The following DENND1A variants were observed in gnomAD, a reference collection of about 807,000 sequenced individuals.
DENND1A encodes the protein DENN domain containing 1A.
Under a neutral mutation model 113.7 loss-of-function variants are expected in DENND1A, and 51 were observed. The observed-to-expected ratio is 0.45, with a 90% CI of 0.36 to 0.57. The LOEUF (loss-of-function observed/expected upper bound fraction) is 0.57. Ranked by LOEUF, DENND1A falls within the 20% of genes least tolerant of loss-of-function variation. The pLI, the probability that DENND1A is intolerant of heterozygous loss-of-function variation, is 0.00. For synonymous variants in DENND1A, 565 were observed against 570.8 expected (o/e 0.99, Z 0.14); for missense variants, 1,258 against 1,395.9 (o/e 0.90, Z 1.57).
At chr9:123,554,508 A>C (rs1230924030) in intron 13 of DENND1A, among the ~76,000 whole-genome samples, 2 of 152,230 alleles carry the variant, frequency 1.3e-5, no homozygotes, top group Admixed American at 1.3e-4. Flanking sequence ...ATTTTAGAAG[A>C]GGGGAATTTG....
chr9:123,617,462 G>A (rs2060711157), intron 10 of DENND1A, among the ~76,000 whole-genome samples: 3 of 152,284 alleles, frequency 2.0e-5, no homozygotes, highest in Admixed American at 2.0e-4. Context: ...GTGTGGCTTT[G>A]TGGCTTCCTG....
intron 8 of DENND1A, among the ~76,000 whole-genome samples, chr9:123,664,974 A>G (rs1216070520): frequency 2.0e-5 from 3 of 152,166 alleles, no homozygotes; most frequent in African/African-American, 7.2e-5. Flanking sequence ...TCTATACTGA[A>G]TTGACTGCAA....
chr9:123,624,388 A>C (rs1425916233), intron 10 of DENND1A, among the ~76,000 whole-genome samples: 3 of 152,232 alleles, frequency 2.0e-5, no homozygotes, highest in Non-Finnish European at 4.4e-5. Context: ...TGACCAAAGC[A>C]GTGGTAGTGG....
chr9:123,752,815 T>C (rs951134871), intron 5 of DENND1A, among the ~76,000 whole-genome samples: 1 of 152,192 alleles, frequency 6.6e-6, no homozygotes, highest in African/African-American at 2.4e-5. Context: ...GATGGTACAA[T>C]ATGAAAATGC....
chr9:123,457,157 G>A (rs1007538473), intron 15 of DENND1A, among the ~76,000 whole-genome samples, 191 bp downstream of exon 15: 1 of 152,190 alleles, frequency 6.6e-6, no homozygotes, highest in Admixed American at 6.5e-5. Context: ...TAGGCTGGGC[G>A]ACTTCATATG....
chr9:123,657,123 T>A (rs2062991255), intron 8 of DENND1A, among the ~76,000 whole-genome samples: 1 of 152,200 alleles, frequency 6.6e-6, no homozygotes, highest in African/African-American at 2.4e-5. Flanking sequence ...AGAAGAAGCC[T>A]GCAACGCACA....
intron 5 of DENND1A, chr9:123,751,727 T>C (rs1646182597): frequency 6.6e-6 from 1 of 152,236 alleles, no homozygotes; most frequent in South Asian, 2.1e-4. Flanking sequence ...TTCATCTTGC[T>C]ATACCTTTCA....
intron 11 of DENND1A, among the ~76,000 whole-genome samples, chr9:123,603,670 C>T (rs2060028589): frequency 6.6e-6 from 1 of 152,198 alleles, no homozygotes; most frequent in African/African-American, 2.4e-5. Context: ...CACCTACTGC[C>T]TTGAACTACC....
chr9:123,588,001 G>T (rs2059263833), intron 11 of DENND1A, among the ~76,000 whole-genome samples: 1 of 152,072 alleles, frequency 6.6e-6, no homozygotes. Flanking sequence ...AAATAGGATG[G>T]GCATGGTGGC....
At chr9:123,647,287 T>A (rs769190401) in intron 9 of DENND1A, among the ~76,000 whole-genome samples, 1 of 152,214 alleles carries the variant, frequency 6.6e-6, no homozygotes, top group African/African-American at 2.4e-5. Context: ...GTGAAAAGGC[T>A]AAGCCTGGCC....
At chr9:123,462,522 C>A (rs1446945141) in intron 13 of DENND1A, among the ~76,000 whole-genome samples, 1 of 152,204 alleles carries the variant, frequency 6.6e-6, no homozygotes, top group African/African-American at 2.4e-5. Flanking sequence ...CCTGGCCAGG[C>A]ACGGTGGCTC....
At position 123,457,403 on chromosome 9, in the gene DENND1A, G is replaced by A. The variant is rs977702115; in HGVS notation, c.1131C>T (p.Ser377=). ...CAAAAACATCACTGAAACCTTCGCC[G>A]GAATTGAGAAGATCTAATCGACCAT... ...FIDGRLDLLN[S]GEGFSDVFEE... Residue 377 remains serine (S), a synonymous_variant, in exon 15 of 24, where the codon TCC becomes TCT. Transcript: ENST00000394215. 5.0e-6 allele frequency: 8 copies of A among 1,613,874 alleles called. No individual in the cohort carries two copies. The East Asian group carries it at 1.1e-4, about 22-fold the overall frequency.
intron 12 of DENND1A, among the ~76,000 whole-genome samples, chr9:123,562,807 A>G (rs2057834454): frequency 6.6e-6 from 1 of 152,172 alleles, no homozygotes; most frequent in Non-Finnish European, 1.5e-5. Context: ...CTGACCACTA[A>G]GTCTGGGCCT....
intron 5 of DENND1A, chr9:123,751,668 G>A (rs78945926): frequency 6.6e-6 from 1 of 152,224 alleles, no homozygotes; most frequent in Non-Finnish European, 1.5e-5. Context: ...CCCAGACTTC[G>A]ATGGTATCAT....
At position 123,777,745 on chromosome 9, in the gene DENND1A, G is replaced by T. The variant is rs547157208; in HGVS notation, c.133-8182C>A. ...CTAAAATGTTGAAAAGGAAATAATA[G>T]GCTTTATTTATCCAGTGGCAGGGAA... On this transcript the variant is annotated intron_variant, in intron 3 of 23. Coordinates refer to ENST00000394215, the MANE Select transcript of DENND1A (RefSeq NM_001352964.2). 6.6e-5 allele frequency among the ~76,000 whole-genome samples: 10 copies of T among 152,228 alleles called. No individual in the cohort carries two copies. The South Asian group carries it at 2.1e-3, about 32-fold the overall frequency.
intron 9 of DENND1A, among the ~76,000 whole-genome samples, chr9:123,646,374 G>C (rs1244710153): frequency 6.6e-6 from 1 of 152,118 alleles, no homozygotes; most frequent in Non-Finnish European, 1.5e-5. Context: ...CTGAAAGGGA[G>C]ACTAGAAATG....
chr9:123,464,825 C>G (rs762340810), intron 13 of DENND1A, among the ~76,000 whole-genome samples: 3 of 151,498 alleles, frequency 2.0e-5, no homozygotes, highest in Non-Finnish European at 2.9e-5. Flanking sequence ...GGTTCACTGA[C>G]TTTGTATAAG....
chr9:123,830,395 T>C (rs967958654), intron 2 of DENND1A, among the ~76,000 whole-genome samples: 28 of 151,986 alleles, frequency 1.8e-4, no homozygotes, highest in African/African-American at 6.3e-4. Context: ...CTGAGCTACA[T>C]CTTGACTGAG....
At chr9:123,387,639 A>G in intron 22 of DENND1A, 91 bp downstream of exon 22, 15 of 908,540 alleles carry the variant, frequency 1.7e-5, no homozygotes, top group Non-Finnish European at 2.3e-5. Flanking sequence ...CCCCGACACA[A>G]AGGCAAGCAG....
Sources: gnomAD v4.1 joint callset for allele counts (sites outside exome capture counted in the v4.1 genomes callset) on GRCh38, gnomAD v4.1.1 for gene constraint, MANE v1.5 for transcripts, NCBI Gene and HGNC (gene_info 2026-07-23, HGNC 2026-07-21) for gene names.